The following COL4A1 variants were observed in gnomAD, a reference collection of about 807,000 sequenced individuals.
COL4A1 encodes collagen type IV alpha 1 chain.
In COL4A1, 40 loss-of-function variants were observed where a neutral mutation model predicts 216.6. The observed-to-expected ratio is 0.18, with a 90% CI of 0.14 to 0.24. The LOEUF (loss-of-function observed/expected upper bound fraction) is 0.24. Ranked by LOEUF, COL4A1 falls within the 10% of genes least tolerant of loss-of-function variation. The pLI is 1.00. For synonymous variants in COL4A1, 839 were observed against 810.7 expected (o/e 1.03, Z -0.59); for missense variants, 1,628 against 2,196.8 (o/e 0.74, Z 5.18).
At chr13:110,175,124 C>T in intron 37 of COL4A1, 94 bp downstream of exon 37, 2 of 1,499,102 alleles carry the variant, frequency 1.3e-6, no homozygotes, top group Admixed American at 1.7e-5. Flanking sequence ...TGTTATGGCT[C>T]ATTGAGTGTG....
At chr13:110,256,759 G>T (rs11839513) in intron 1 of COL4A1, among the ~76,000 whole-genome samples, 1 of 151,994 alleles carries the variant, frequency 6.6e-6, no homozygotes, top group Non-Finnish European at 1.5e-5. Flanking sequence ...GGGTCTATCC[G>T]ATACTTTCAG....
In COL4A1 at chr13:110,165,041, C is replaced by T. The variant is rs550328142; in HGVS notation, c.4022-51G>A. ...CAATTTCACTGTCCACATACTGGGG[C>T]GGAAACAACTTTAGAAGGAGAATCC... On this transcript the variant is annotated intron_variant, in intron 45 of 51. Coordinates refer to ENST00000375820, the MANE Select transcript of COL4A1 (RefSeq NM_001845.6). 1.8e-5 allele frequency: 29 copies of T among 1,577,704 alleles called. 1 individual carries two copies. Among genetic ancestry groups the T allele is most frequent in the South Asian group, 1.6e-4 (14 of 85,958 alleles).
chr13:110,240,844 C>T (rs906289306), intron 2 of COL4A1, among the ~76,000 whole-genome samples: 1 of 152,124 alleles, frequency 6.6e-6, no homozygotes, highest in East Asian at 1.9e-4. Flanking sequence ...AAATAAATTA[C>T]GTTAAAAAAG....
intron 2 of COL4A1, among the ~76,000 whole-genome samples, chr13:110,222,274 A>C (rs1291061211): frequency 6.6e-6 from 1 of 152,168 alleles, no homozygotes; most frequent in Non-Finnish European, 1.5e-5. Flanking sequence ...AGAAGTACTC[A>C]GACACTGAAT....
At chr13:110,212,209 T>C (rs1388354901) in intron 6 of COL4A1, among the ~76,000 whole-genome samples, 1 of 152,168 alleles carries the variant, frequency 6.6e-6, no homozygotes, top group Non-Finnish European at 1.5e-5. Context: ...GATAAAAGTC[T>C]ACAAAAAAGA....
At chr13:110,285,955 T>C (rs1189525792) in intron 1 of COL4A1, among the ~76,000 whole-genome samples, 1 of 152,196 alleles carries the variant, frequency 6.6e-6, no homozygotes, top group Non-Finnish European at 1.5e-5. Flanking sequence ...ACATCCCCTG[T>C]CCAAAGCCTT....
intron 37 of COL4A1, 25 bp downstream of exon 37, chr13:110,175,193 C>T (rs775343688): frequency 2.0e-5 from 32 of 1,613,932 alleles, no homozygotes; most frequent in Non-Finnish European, 2.7e-5. Flanking sequence ...GAGAAGGGGA[C>T]CTTTCCACGC....
intron 32 of COL4A1, 27 bp from the exon 33 acceptor site, chr13:110,177,958 C>A: frequency 6.2e-7 from 1 of 1,614,108 alleles, no homozygotes; most frequent in Non-Finnish European, 8.5e-7. Flanking sequence ...GGACTGTGAA[C>A]ATTTTCTTGC....
At chr13:110,163,777 G>A (rs1188421607) in intron 46 of COL4A1, among the ~76,000 whole-genome samples, 6 of 152,116 alleles carry the variant, frequency 3.9e-5, no homozygotes, top group Non-Finnish European at 8.8e-5. Flanking sequence ...GTGTGTTTGG[G>A]CACCTCGTTC....
In COL4A1 at chr13:110,211,814, A is replaced by G; in HGVS notation, c.441+55T>C. 1 of 1,586,408 alleles carries G rather than the reference A, an allele frequency of 6.3e-7. No individual in the cohort carries two copies. Among genetic ancestry groups the G allele is most frequent in the Non-Finnish European group, 8.7e-7 (1 of 1,155,800 alleles). On this transcript the variant is annotated intron_variant, in intron 7 of 51. Coordinates refer to ENST00000375820, the MANE Select transcript of COL4A1 (RefSeq NM_001845.6). This position sits in a 1 kb window ranked among gnomAD's most constrained non-coding sequence, Gnocchi z 4.3. ...AGAAAGAAAAGGAAATGGAATGAAAAGAGAGAAGTCATAACTAAAAGAAAG... is the reference window on the plus strand; with the variant it reads ...AGAAAGAAAAGGAAATGGAATGAAAGGAGAGAAGTCATAACTAAAAGAAAG...
intron 2 of COL4A1, among the ~76,000 whole-genome samples, chr13:110,229,136 A>G (rs1880890506): frequency 6.6e-6 from 1 of 152,226 alleles, no homozygotes; most frequent in Admixed American, 6.5e-5. Context: ...GCTGACACTG[A>G]GGAAATGTCT....
At chr13:110,180,496 C>T (rs1878098443) in intron 29 of COL4A1, among the ~76,000 whole-genome samples, 1 of 152,232 alleles carries the variant, frequency 6.6e-6, no homozygotes, top group Non-Finnish European at 1.5e-5. Flanking sequence ...AGGGAGCAGG[C>T]CCCACCTGGG....
chr13:110,194,445 T>C (rs1878784175), intron 22 of COL4A1, among the ~76,000 whole-genome samples: 1 of 152,172 alleles, frequency 6.6e-6, no homozygotes, highest in East Asian at 1.9e-4. Flanking sequence ...GCAGTGATAA[T>C]CCACCTCTGT....
intron 6 of COL4A1, 74 bp downstream of exon 6, chr13:110,212,343 A>G: frequency 6.4e-7 from 1 of 1,554,068 alleles, no homozygotes; most frequent in Non-Finnish European, 8.9e-7. Flanking sequence ...TAACAGAATC[A>G]CACTACCTGA....
intron 4 of COL4A1, 50 bp from the exon 5 acceptor site, chr13:110,212,668 C>A (rs199554659): frequency 6.2e-7 from 1 of 1,602,706 alleles, no homozygotes; most frequent in East Asian, 2.2e-5. Flanking sequence ...GGAAGCCTCA[C>A]TTCCTCCTCC....
chr13:110,262,675 G>A (rs1313958030), intron 1 of COL4A1, among the ~76,000 whole-genome samples: 1 of 152,112 alleles, frequency 6.6e-6, no homozygotes, highest in African/African-American at 2.4e-5. Context: ...TTCATACAAT[G>A]GGAAGGAAAG....
intron 43 of COL4A1, among the ~76,000 whole-genome samples, chr13:110,167,574 A>T (rs913746290): frequency 6.6e-6 from 1 of 152,184 alleles, no homozygotes; most frequent in African/African-American, 2.4e-5. Context: ...AACACCTGTG[A>T]CGGCAACATA....
rs2139199055 is a variant in COL4A1 at position 110,207,276 on chromosome 13, T to C, written c.780+127A>G. 1 of 847,582 alleles carries C rather than the reference T, an allele frequency of 1.2e-6. No homozygotes were observed. Among genetic ancestry groups the C allele is most frequent in the Non-Finnish European group, 2.0e-6 (1 of 500,576 alleles). 52.5% of individuals were successfully genotyped at this position (847,582 alleles called of 1,614,324 possible). The stretch of plus-strand genomic sequence containing the variant: ...CGTATTTTATGGACTGAACAGTCTA[T>C]AAATCTGTTTTCCAGACCAGGATTG... On this transcript the variant is annotated intron_variant, in intron 13 of 51. Transcript: ENST00000375820. This position sits in a 1 kb window ranked among gnomAD's most constrained non-coding sequence, Gnocchi z 4.4.
chr13:110,150,226 C>T lies in COL4A1; in HGVS notation c.*137G>A, dbSNP rs886049956. 177 of 819,396 alleles carry T rather than the reference C, an allele frequency of 2.2e-4. No individual in the cohort carries two copies. Among genetic ancestry groups the T allele is most frequent in the South Asian group, 3.6e-4 (25 of 69,054 alleles). The allele number at this position is 819,396 out of a possible 1,614,324, so 50.8% of individuals were successfully genotyped here. A position where few individuals can be genotyped will look rare whatever the true frequency, so the allele number is the denominator to read the frequency against. On this transcript the variant is annotated 3_prime_UTR_variant, in exon 52 of 52. Transcript: ENST00000375820. Reference sequence around the variant, plus strand: ...TCAATGAAGCAGGGTGTGTTAGTTACGCAAATTCCTATAAGGCACTTTACG... The same window carrying T: ...TCAATGAAGCAGGGTGTGTTAGTTATGCAAATTCCTATAAGGCACTTTACG...
Sources: gnomAD v4.1 joint callset for allele counts (sites outside exome capture counted in the v4.1 genomes callset) on GRCh38, gnomAD v4.1.1 for gene constraint, Gnocchi (gnomAD v3.1) non-coding constraint, MANE v1.5 for transcripts, NCBI Gene and HGNC (gene_info 2026-07-23, HGNC 2026-07-21) for gene names.